TSHZ2: variants seen among roughly 807,000 people sequenced by gnomAD.
TSHZ2 encodes the protein teashirt zinc finger homeobox 2.
TSHZ2 carries 21 observed loss-of-function variants against 74.4 expected under a neutral mutation model. The observed-to-expected ratio is 0.28, with a 90% CI of 0.20 to 0.41. The LOEUF (loss-of-function observed/expected upper bound fraction) is 0.41, where lower values mean the gene tolerates loss of function less well. TSHZ2 is among the 10% of genes least tolerant of loss of function. TSHZ2 has a pLI of 1.00. For missense variants in TSHZ2, 1,244 were observed against 1,293.5 expected (o/e 0.96, Z 0.59); for synonymous variants, 540 against 515.3 (o/e 1.05, Z -0.65).
At position 52,973,191 on chromosome 20, in the gene TSHZ2, C is replaced by A; in HGVS notation, c.-103C>A. ...GGCCGAGTGACGTCCTAGGAGCCAC[C>A]GGGCAAGAGGCGGAGGAGACCCAGA... On this transcript the variant is annotated 5_prime_UTR_variant, in exon 1 of 3. Transcript: ENST00000371497. 1 of 1,469,896 alleles carries A rather than the reference C, an allele frequency of 6.8e-7. No homozygotes were observed. The highest frequency in any genetic ancestry group is 1.4e-5 in the African/African-American group (1 of 71,244). The allele number at this position is 1,469,896 out of a possible 1,614,324, so 91.1% of individuals were successfully genotyped here. A position where few individuals can be genotyped will look rare whatever the true frequency, so the allele number is the denominator to read the frequency against.
intron 1 of TSHZ2, among the ~76,000 whole-genome samples, chr20:53,197,338 G>A (rs939451435): frequency 6.6e-6 from 1 of 152,154 alleles, no homozygotes; most frequent in Admixed American, 6.5e-5. Flanking sequence ...GATTCTCAAC[G>A]TGCAGTTTTG....
chr20:53,188,631 A>G (rs1308785827), intron 1 of TSHZ2, among the ~76,000 whole-genome samples: 1 of 152,254 alleles, frequency 6.6e-6, no homozygotes, highest in African/African-American at 2.4e-5. Context: ...GTGCTAGTCC[A>G]TAGAAGAAAT....
intron 1 of TSHZ2, among the ~76,000 whole-genome samples, chr20:53,121,763 T>G (rs1986817039): frequency 6.6e-6 from 1 of 151,854 alleles, no homozygotes; most frequent in South Asian, 2.1e-4. Context: ...ACTGCCAGGG[T>G]GTGGCTTTTG....
chr20:53,002,064 T>C (rs1982462283), intron 1 of TSHZ2, among the ~76,000 whole-genome samples: 1 of 152,240 alleles, frequency 6.6e-6, no homozygotes, highest in African/African-American at 2.4e-5. Context: ...TCACCTTAAC[T>C]CACATCACTT....
intron 2 of TSHZ2, among the ~76,000 whole-genome samples, chr20:53,432,756 T>C (rs1034235327): frequency 6.6e-6 from 1 of 152,184 alleles, no homozygotes; most frequent in Admixed American, 6.5e-5. Flanking sequence ...TTTTTTTCAG[T>C]TGGGCTTCTG....
intron 1 of TSHZ2, among the ~76,000 whole-genome samples, chr20:53,209,267 T>C (rs1461868610): frequency 2.6e-5 from 4 of 152,102 alleles, no homozygotes; most frequent in Admixed American, 2.6e-4. Flanking sequence ...TTTGTATTTT[T>C]AGTAGAGATG....
chr20:53,023,573 C>G (rs1200923897), intron 1 of TSHZ2, among the ~76,000 whole-genome samples: 1 of 151,524 alleles, frequency 6.6e-6, no homozygotes, highest in Non-Finnish European at 1.5e-5. Flanking sequence ...TTGAAGCCAT[C>G]ATAGTTCAAG....
chr20:53,314,958 C>T (rs917298814), intron 2 of TSHZ2, among the ~76,000 whole-genome samples: 6 of 152,084 alleles, frequency 3.9e-5, no homozygotes, highest in African/African-American at 1.4e-4. Flanking sequence ...GGCAGGCTTC[C>T]CCAAGGGAAA....
At chr20:53,151,288 A>C (rs763903003) in intron 1 of TSHZ2, among the ~76,000 whole-genome samples, 3 of 152,238 alleles carry the variant, frequency 2.0e-5, no homozygotes, top group Non-Finnish European at 4.4e-5. Flanking sequence ...TGGACTAAGT[A>C]AAGAAATAAT....
At chr20:52,983,923 G>A (rs1403948150) in intron 1 of TSHZ2, among the ~76,000 whole-genome samples, 2 of 152,178 alleles carry the variant, frequency 1.3e-5, no homozygotes, top group East Asian at 1.9e-4. Flanking sequence ...GGGAACCCGC[G>A]CTCATCCCCT....
At chr20:53,250,164 T>C (rs540439259) in intron 1 of TSHZ2, among the ~76,000 whole-genome samples, 1 of 152,336 alleles carries the variant, frequency 6.6e-6, no homozygotes, top group African/African-American at 2.4e-5. Flanking sequence ...CACTATGAAG[T>C]TTGATCTTCG....
rs148512004 is a variant in TSHZ2, at chr20:53,466,033, G to T, written c.*9-21111G>T. On this transcript the variant is annotated intron_variant, in intron 2 of 2. Transcript: ENST00000371497. Reference sequence around the variant, plus strand: ...GGGCCCAAGGCAGGTGAATCACAAGGGTCAGGAGTTCGAGACTAGCCTGGC... The same window carrying T: ...GGGCCCAAGGCAGGTGAATCACAAGTGTCAGGAGTTCGAGACTAGCCTGGC... 7.3e-5 allele frequency among the ~76,000 whole-genome samples: 11 copies of T among 150,920 alleles called. No homozygotes were observed. The East Asian group carries it at 1.9e-3, about 27-fold the overall frequency.
intron 1 of TSHZ2, among the ~76,000 whole-genome samples, chr20:53,033,938 G>C (rs889265644): frequency 4.6e-5 from 7 of 152,086 alleles, no homozygotes; most frequent in Admixed American, 4.6e-4. Context: ...GGGATTGCAG[G>C]CATGAGCCAC....
In TSHZ2 at chr20:53,378,865, A is replaced by G. The variant is rs149217197; in HGVS notation, c.*9-108279A>G. On this transcript the variant is annotated intron_variant, in intron 2 of 2. Coordinates refer to ENST00000371497, the MANE Select transcript of TSHZ2 (RefSeq NM_173485.6). ...ATGTAAATAAAACCACTAAAGAAAA[A>G]TAATATGAGAGATGATATGAGGATG... 5.3e-5 allele frequency among the ~76,000 whole-genome samples: 8 copies of G among 152,338 alleles called. No individual in the cohort carries two copies. In the East Asian group the frequency reaches 1.5e-3, roughly 29 times the overall value.
At chr20:53,077,483 G>A (rs1158374861) in intron 1 of TSHZ2, among the ~76,000 whole-genome samples, 1 of 151,826 alleles carries the variant, frequency 6.6e-6, no homozygotes, top group African/African-American at 2.4e-5. Flanking sequence ...AATTAGTTTT[G>A]TTTGAGAAGG....
chr20:53,482,891 G>C (rs1428648769), intron 2 of TSHZ2, among the ~76,000 whole-genome samples: 1 of 152,050 alleles, frequency 6.6e-6, no homozygotes, highest in African/African-American at 2.4e-5. Context: ...GGGCAACAGA[G>C]TGAGACTCTG....
intron 1 of TSHZ2, among the ~76,000 whole-genome samples, chr20:53,024,102 A>AT (rs151336998): frequency 0.059 from 8,728 of 148,860 alleles, 568 homozygotes; most frequent in African/African-American, 0.15. Flanking sequence ...CCACCCTCTT[A>AT]TTTTTTTTTT....
intron 2 of TSHZ2, among the ~76,000 whole-genome samples, chr20:53,338,664 C>T (rs1980054817): frequency 6.6e-6 from 1 of 152,126 alleles, no homozygotes. Context: ...TGGGACAGCC[C>T]ACCCCCTACA....
chr20:53,185,394 G>C, intron 1 of TSHZ2: 1 of 1,241,162 alleles, frequency 8.1e-7, no homozygotes, highest in Non-Finnish European at 1.0e-6. Context: ...GATGATGGTG[G>C]CCAGGCGAGG....
Sources: gnomAD v4.1 joint callset for allele counts (sites outside exome capture counted in the v4.1 genomes callset) on GRCh38, gnomAD v4.1.1 for gene constraint, MANE v1.5 for transcripts, NCBI Gene and HGNC (gene_info 2026-07-23, HGNC 2026-07-21) for gene names.